The following BAHCC1 variants were observed in gnomAD, a reference collection of about 807,000 sequenced individuals.
BAHCC1 encodes BAH and coiled-coil domain-containing protein 1.
A neutral mutation model predicts 88.2 loss-of-function variants in BAHCC1; 43 were observed. The ratio of observed to expected loss-of-function variants is 0.49; its 90% CI spans 0.38 to 0.63. The LOEUF is 0.63. Ranked by LOEUF, BAHCC1 falls within the 20% of genes least tolerant of loss-of-function variation. The pLI, the probability that BAHCC1 is intolerant of heterozygous loss-of-function variation, is 0.00. For missense variants in BAHCC1, 3,023 were observed against 1,654.8 expected (o/e 1.83, Z -14.34); for synonymous variants, 1,510 against 745.5 (o/e 2.03, Z -16.71).
Position 81,463,674 on chromosome 17 carries a change from C to T in BAHCC1, c.7684C>T (p.Gln2562Ter), listed in dbSNP as rs2030497192. 1 of 779,712 alleles carries T rather than the reference C, an allele frequency of 1.3e-6. No individual in the cohort carries two copies. The highest frequency in any genetic ancestry group is 2.4e-6 in the Non-Finnish European group (1 of 417,896). 48.3% of individuals were successfully genotyped at this position (779,712 alleles called of 1,614,324 possible). A position where few individuals can be genotyped will look rare whatever the true frequency, so the allele number is the denominator to read the frequency against. The change falls in exon 28 of 28, where the codon CAG (glutamine) becomes TAG (stop). Residue 2562 changes from glutamine (Q) to a stop codon, truncating the protein, a stop_gained. Coordinates refer to ENST00000675386, the MANE Select transcript of BAHCC1 (RefSeq NM_001377448.1). LOFTEE classifies it high-confidence loss of function. ...CGTGCAGACCATCTCCCACAAGTGC[C>T]AGGTCGTGGCGCGCGAGCAGTATGA... Reference protein sequence around the residue: ...NDVQTISHKCQVVAREQYEQM... With the variant: ...NDVQTISHKC
chr17:81,431,720 G>A (rs1357459052), intron 3 of BAHCC1, among the ~76,000 whole-genome samples: 2 of 152,210 alleles, frequency 1.3e-5, no homozygotes, highest in East Asian at 1.9e-4. Flanking sequence ...TGGTGCTTGC[G>A]CCCATTTTAC....
chr17:81,438,527 C>A (rs373116277), intron 4 of BAHCC1, 35 bp downstream of exon 4: 3 of 747,958 alleles, frequency 4.0e-6, no homozygotes, highest in Non-Finnish European at 2.5e-6. Flanking sequence ...GGGGAGCAGG[C>A]ATGCTGGAGG....
chr17:81,443,163 A>C lies in BAHCC1; in HGVS notation c.1814A>C (p.Tyr605Ser), dbSNP rs1555653191. Residue 605 changes from tyrosine to serine, a missense_variant, in exon 5 of 28, where the codon TAC becomes TCC. Coordinates refer to ENST00000675386, the MANE Select transcript of BAHCC1 (RefSeq NM_001377448.1). ...AISEERKAGAYLDPFGSGLQQ... is the reference protein window; with the variant it reads ...AISEERKAGASLDPFGSGLQQ... ...AGCGAGGAGCGCAAGGCTGGCGCCT[A>C]CCTGGACCCCTTTGGCAGTGGCCTG... 1.3e-6 allele frequency: 1 copy of C among 778,768 alleles called. No homozygotes were observed. 48.2% of individuals were successfully genotyped at this position (778,768 alleles called of 1,614,324 possible). A position where few individuals can be genotyped will look rare whatever the true frequency, so the allele number is the denominator to read the frequency against.
intron 4 of BAHCC1, among the ~76,000 whole-genome samples, chr17:81,439,412 C>G (rs1555652184): frequency 6.6e-6 from 1 of 152,082 alleles, no homozygotes; most frequent in South Asian, 2.1e-4. Flanking sequence ...GTCTAGGTGG[C>G]CCCCGGTTTC....
At chr17:81,455,974 G>C (rs1555657171) in intron 15 of BAHCC1, among the ~76,000 whole-genome samples, 1 of 152,176 alleles carries the variant, frequency 6.6e-6, no homozygotes, top group Non-Finnish European at 1.5e-5. Context: ...CTTCTGCCCA[G>C]ATGCTGTTTT....
At chr17:81,433,033 A>T (rs1282469754) in intron 3 of BAHCC1, among the ~76,000 whole-genome samples, 1 of 149,420 alleles carries the variant, frequency 6.7e-6, no homozygotes, top group Non-Finnish European at 1.5e-5. Flanking sequence ...TCCCGCTCTT[A>T]GCTACCTTGC....
Position 81,461,034 on chromosome 17 carries a change from A to G in BAHCC1, c.6371A>G (p.Gln2124Arg), listed in dbSNP as rs374610824. ...CCGGGGGTGCTGCAGAACCTCTTCC[A>G]GCTCAACGGCAGCAGCAAGAAGCTG... ...KGPGVLQNLFQLNGSSKKLRA... is the reference protein window; with the variant it reads ...KGPGVLQNLFRLNGSSKKLRA... Residue 2124 changes from glutamine (Q) to arginine (R), a missense_variant, in exon 26 of 28, where the codon CAG becomes CGG. Coordinates refer to ENST00000675386, the MANE Select transcript of BAHCC1 (RefSeq NM_001377448.1). 4 of 772,908 alleles carry G rather than the reference A, an allele frequency of 5.2e-6. No individual in the cohort carries two copies. The highest frequency in any genetic ancestry group is 3.4e-5 in the African/African-American group (2 of 59,078). 47.9% of individuals were successfully genotyped at this position (772,908 alleles called of 1,614,324 possible). A position where few individuals can be genotyped will look rare whatever the true frequency, so the allele number is the denominator to read the frequency against.
At chr17:81,441,466 T>C (rs1555652497) in intron 4 of BAHCC1, among the ~76,000 whole-genome samples, 1 of 151,966 alleles carries the variant, frequency 6.6e-6, no homozygotes, top group Non-Finnish European at 1.5e-5. Context: ...ATCGAGACCA[T>C]CCTGGCTAAC....
chr17:81,452,079 G>A lies in BAHCC1; in HGVS notation c.4288G>A (p.Ala1430Thr). Residue 1430 changes from alanine (A) to threonine (T), a missense_variant, in exon 13 of 28, where the codon GCC becomes ACC. Physicochemically the swap from Ala to Thr is moderately conservative, Grantham distance 58. Coordinates refer to ENST00000675386, the MANE Select transcript of BAHCC1 (RefSeq NM_001377448.1). Reference sequence around the variant, plus strand: ...CTACAAGGAGAAGCAGCGGGAGCTGGCCCGCCTGCAGCGCAAGCACGACCA... The same window carrying A: ...CTACAAGGAGAAGCAGCGGGAGCTGACCCGCCTGCAGCGCAAGCACGACCA... ...RRYKEKQRELARLQRKHDHER... is the reference protein window; with the variant it reads ...RRYKEKQRELTRLQRKHDHER... 1.6e-6 allele frequency: 1 copy of A among 629,470 alleles called. No homozygotes were observed. Among genetic ancestry groups the A allele is most frequent in the Non-Finnish European group, 2.8e-6 (1 of 356,614 alleles). The allele number at this position is 629,470 out of a possible 1,614,324, so 39.0% of individuals were successfully genotyped here.
Position 81,442,460 on chromosome 17 carries a change from G to A in BAHCC1, c.1111G>A (p.Gly371Arg), listed in dbSNP as rs781973328. Residue 371 changes from glycine (G) to arginine (R), a missense_variant, in exon 5 of 28, where the codon GGG (glycine) becomes AGG (arginine). Gly to Arg is a moderately radical substitution (Grantham distance 125, BLOSUM62 -2). Transcript: ENST00000675386. ...CTCCTTCCCCTGCCTGCAGCTGCAC[G>A]GGGGCCCTGACGGGCTCTGCCCGCT... ...AGSFPCLQLH[G>R]GPDGLCPLQD... 13 of 716,398 alleles carry A rather than the reference G, an allele frequency of 1.8e-5. 1 individual carries two copies. The highest frequency in any genetic ancestry group is 1.0e-4 in the South Asian group (7 of 67,116). 44.4% of individuals were successfully genotyped at this position (716,398 alleles called of 1,614,324 possible).
At position 81,454,791 on chromosome 17, in the gene BAHCC1, G is replaced by A. The variant is rs546489218; in HGVS notation, c.4446-476G>A. Among the ~76,000 whole-genome samples, 34 of 152,258 alleles carry A rather than the reference G, an allele frequency of 2.2e-4. No homozygotes were observed. In the South Asian group the frequency reaches 6.6e-3, roughly 30 times the overall value. Reference sequence around the variant, plus strand: ...CCTTGTTCCAGGTGCCAAGGCTGGGGCTGCAGCCCCACTCAGGCCCCAGTA... The same window carrying A: ...CCTTGTTCCAGGTGCCAAGGCTGGGACTGCAGCCCCACTCAGGCCCCAGTA... On this transcript the variant is annotated intron_variant, in intron 14 of 27. Coordinates refer to ENST00000675386, the MANE Select transcript of BAHCC1 (RefSeq NM_001377448.1).
intron 2 of BAHCC1, among the ~76,000 whole-genome samples, chr17:81,418,820 T>TGTGTAC (rs2064075958): frequency 6.6e-6 from 1 of 151,076 alleles, no homozygotes; most frequent in Non-Finnish European, 1.5e-5. Flanking sequence ...CGTGTGTGTG[T>TGTGTAC]GTGTGTGTGT....
At chr17:81,459,393 C>T (rs2030045093) in intron 22 of BAHCC1, 65 bp downstream of exon 22, 1 of 757,668 alleles carries the variant, frequency 1.3e-6, no homozygotes, top group South Asian at 1.4e-5. Flanking sequence ...CAAAGGAAGG[C>T]CTTGGCCTGG....
intron 2 of BAHCC1, among the ~76,000 whole-genome samples, chr17:81,404,693 G>A (rs1380992145): frequency 6.6e-6 from 1 of 152,212 alleles, no homozygotes; most frequent in Admixed American, 6.5e-5. Context: ...AAGTTGATAG[G>A]ATGTTCGCTG....
chr17:81,424,250 C>T (rs1369006061), intron 2 of BAHCC1, among the ~76,000 whole-genome samples: 2 of 152,336 alleles, frequency 1.3e-5, no homozygotes, highest in Admixed American at 6.5e-5. Context: ...CCAGTGCTGC[C>T]TGGAGGGGCC....
At chr17:81,395,868 C>T (rs1367759754) in intron 1 of BAHCC1, 4 of 150,058 alleles carry the variant, frequency 2.7e-5, no homozygotes, top group African/African-American at 9.9e-5. Context: ...AAAATCTTAT[C>T]GATCGGTTTA....
At chr17:81,397,566 T>C (rs561809439) in intron 1 of BAHCC1, among the ~76,000 whole-genome samples, 1 of 151,976 alleles carries the variant, frequency 6.6e-6, no homozygotes, top group South Asian at 2.1e-4. Flanking sequence ...TTTCCCTTTG[T>C]CCCGCCCGGC....
At position 81,442,655 on chromosome 17, in the gene BAHCC1, C is replaced by A. The variant is rs781909123; in HGVS notation, c.1306C>A (p.Pro436Thr). The A allele has an allele frequency of 2.6e-6, 2 of 775,842 alleles. No homozygotes were observed. The highest frequency in any genetic ancestry group is 4.8e-6 in the Non-Finnish European group (2 of 416,342). The allele number at this position is 775,842 out of a possible 1,614,324, so 48.1% of individuals were successfully genotyped here. ...AACCATGGCCCCCGACCACGCTGCACCCTATGGAGTCTCCTATGCCCACCT... is the reference window on the plus strand; with the variant it reads ...AACCATGGCCCCCGACCACGCTGCAACCTATGGAGTCTCCTATGCCCACCT... ...EGTMAPDHAA[P>T]YGVSYAHLKA... The change falls in exon 5 of 28, where the codon CCC (proline) becomes ACC (threonine). Residue 436 changes from proline to threonine, a missense_variant. Pro to Thr is a conservative substitution (Grantham distance 38, BLOSUM62 -1). Coordinates refer to ENST00000675386, the MANE Select transcript of BAHCC1 (RefSeq NM_001377448.1).
intron 2 of BAHCC1, among the ~76,000 whole-genome samples, chr17:81,420,318 T>C (rs561235533): frequency 6.6e-6 from 1 of 152,330 alleles, no homozygotes; most frequent in African/African-American, 2.4e-5. Flanking sequence ...AGCTCTCACC[T>C]ACTGTGTGCC....
Sources: allele counts gnomAD v4.1 joint callset (sites outside exome capture counted in the v4.1 genomes callset), GRCh38; gene constraint gnomAD v4.1.1; transcripts MANE v1.5; gene names NCBI Gene and HGNC (gene_info 2026-07-23, HGNC 2026-07-21).